The following WDR7 variants were observed in gnomAD, a reference collection of about 807,000 sequenced individuals.
WDR7 encodes the protein WD repeat domain 7.
In WDR7, 46 loss-of-function variants were observed where a neutral mutation model predicts 169.4. That is an observed-to-expected ratio of 0.27 (90% CI 0.21 to 0.35). The LOEUF (loss-of-function observed/expected upper bound fraction) is 0.35, where lower values mean the gene tolerates loss of function less well. WDR7 is among the 10% of genes least tolerant of loss of function. WDR7 has a pLI of 1.00. For missense variants in WDR7, 1,534 were observed against 1,859.3 expected (o/e 0.83, Z 3.22); for synonymous variants, 612 against 666.8 (o/e 0.92, Z 1.27).
At chr18:57,005,412 G>T (rs1368116733) in intron 26 of WDR7, among the ~76,000 whole-genome samples, 3 of 152,006 alleles carry the variant, frequency 2.0e-5, no homozygotes, top group Non-Finnish European at 4.4e-5. Flanking sequence ...TCTCATCTCT[G>T]AGCAAGTAAA....
intron 27 of WDR7, among the ~76,000 whole-genome samples, chr18:57,025,989 G>A (rs1216200170): frequency 6.6e-5 from 10 of 152,230 alleles, no homozygotes; most frequent in Admixed American, 6.5e-4. Context: ...CATTGGAAAT[G>A]AAAATTAGTA....
chr18:57,032,104 C>T (rs2048444191), downstream of WDR7: 1 of 152,180 alleles, frequency 6.6e-6, no homozygotes, highest in African/African-American at 2.4e-5. Flanking sequence ...AATTTGTAGA[C>T]ATGAAGAAAT....
At chr18:56,915,685 T>C (rs926377154) in intron 21 of WDR7, among the ~76,000 whole-genome samples, 1 of 152,174 alleles carries the variant, frequency 6.6e-6, no homozygotes, top group South Asian at 2.1e-4. Context: ...ACAGCAGTAA[T>C]ACTCATGAAT....
At chr18:56,814,641 G>T (rs1295459081) in intron 19 of WDR7, among the ~76,000 whole-genome samples, 1 of 152,092 alleles carries the variant, frequency 6.6e-6, no homozygotes. Context: ...GTACTTGAGG[G>T]TGGAGAGTGG....
intron 13 of WDR7, among the ~76,000 whole-genome samples, chr18:56,726,293 G>A (rs1341675454): frequency 6.6e-6 from 1 of 152,172 alleles, no homozygotes; most frequent in East Asian, 1.9e-4. Context: ...AGCATGGAAT[G>A]TTCTTCCATT....
At chr18:56,669,941 A>C (rs527532801) in intron 1 of WDR7, among the ~76,000 whole-genome samples, 7 of 152,292 alleles carry the variant, frequency 4.6e-5, no homozygotes, top group Admixed American at 4.6e-4. Context: ...TGATGGCTGA[A>C]AAACTGCATG....
chr18:56,950,386 A>G (rs2047164975), intron 25 of WDR7, among the ~76,000 whole-genome samples: 1 of 152,204 alleles, frequency 6.6e-6, no homozygotes, highest in African/African-American at 2.4e-5. Flanking sequence ...TTAAAGTGCC[A>G]GCAGTTTTAC....
At chr18:56,920,154 T>G (rs2046693562) in intron 21 of WDR7, among the ~76,000 whole-genome samples, 1 of 152,156 alleles carries the variant, frequency 6.6e-6, no homozygotes, top group Non-Finnish European at 1.5e-5. Context: ...ATGTTCCCTC[T>G]TATTTCCTGG....
intron 20 of WDR7, among the ~76,000 whole-genome samples, chr18:56,853,042 G>A (rs563391467): frequency 6.6e-6 from 1 of 152,236 alleles, no homozygotes; most frequent in South Asian, 2.1e-4. Context: ...AGGAAATGAA[G>A]GATTCAGGCA....
chr18:56,759,712 T>TG (rs948672355), intron 16 of WDR7, among the ~76,000 whole-genome samples: 1 of 152,194 alleles, frequency 6.6e-6, no homozygotes, highest in Non-Finnish European at 1.5e-5. Context: ...GATGGGTTGA[T>TG]GCAGCTTCTG....
At chr18:56,794,785 C>T (rs1393280893) in intron 19 of WDR7, among the ~76,000 whole-genome samples, 1 of 152,212 alleles carries the variant, frequency 6.6e-6, no homozygotes, top group African/African-American at 2.4e-5. Context: ...TCATATATAA[C>T]AGTTGGCTAA....
intron 26 of WDR7, among the ~76,000 whole-genome samples, chr18:56,983,950 G>A (rs1010380069): frequency 4.6e-5 from 7 of 151,224 alleles, no homozygotes; most frequent in African/African-American, 9.7e-5. Context: ...TTTAAATATT[G>A]TAACAATAGA....
chr18:56,733,573 T>C (rs8085161), intron 14 of WDR7, among the ~76,000 whole-genome samples: 3,845 of 152,290 alleles, frequency 0.025, 153 homozygotes, highest in African/African-American at 0.087. Flanking sequence ...TAACATAGTG[T>C]TAGCAATCAG....
intron 21 of WDR7, among the ~76,000 whole-genome samples, chr18:56,884,816 C>T (rs1252948891): frequency 6.6e-6 from 1 of 152,238 alleles, no homozygotes; most frequent in Non-Finnish European, 1.5e-5. Flanking sequence ...AAAGCACCAC[C>T]TCCTGGCTGG....
chr18:56,957,006 A>G (rs1400164990), intron 25 of WDR7, among the ~76,000 whole-genome samples: 1 of 152,212 alleles, frequency 6.6e-6, no homozygotes, highest in Admixed American at 6.5e-5. Flanking sequence ...TTTAAAATGT[A>G]CATATGCTTT....
At chr18:57,011,156 T>C (rs2048131120) in intron 26 of WDR7, among the ~76,000 whole-genome samples, 1 of 152,228 alleles carries the variant, frequency 6.6e-6, no homozygotes, top group African/African-American at 2.4e-5. Context: ...TAGATAAGGG[T>C]GTTGTATGTG....
chr18:56,681,090 G>A (rs984423666), intron 3 of WDR7, among the ~76,000 whole-genome samples: 5 of 152,124 alleles, frequency 3.3e-5, no homozygotes, highest in Non-Finnish European at 7.4e-5. Context: ...CTTATTATGG[G>A]CCTACAAAGA....
intron 13 of WDR7, among the ~76,000 whole-genome samples, chr18:56,729,457 A>G (rs2026534881): frequency 6.6e-6 from 1 of 152,040 alleles, no homozygotes; most frequent in South Asian, 2.1e-4. Context: ...TGTGACTGTA[A>G]TATCCCTTCC....
At chr18:56,696,172 T>C (rs1280946050) in intron 11 of WDR7, 70 bp from the exon 12 acceptor site, 2 of 1,285,184 alleles carry the variant, frequency 1.6e-6, no homozygotes, top group African/African-American at 3.0e-5. Flanking sequence ...AACATTCATG[T>C]TTACTTTTAC....
Sources: allele counts gnomAD v4.1 joint callset (sites outside exome capture counted in the v4.1 genomes callset), GRCh38; gene constraint gnomAD v4.1.1; transcripts MANE v1.5; gene names NCBI Gene and HGNC (gene_info 2026-07-23, HGNC 2026-07-21).